RNF145: variants seen among roughly 807,000 people sequenced by gnomAD.
The protein encoded by RNF145 is ring finger protein 145.
RNF145 carries 12 observed loss-of-function variants against 57.3 expected under a neutral mutation model. The ratio of observed to expected loss-of-function variants is 0.21; its 90% confidence interval spans 0.13 to 0.34. The LOEUF is 0.34. Ranked by LOEUF, RNF145 falls within the 10% of genes least tolerant of loss-of-function variation. The pLI is 1.00. For missense variants in RNF145, 429 were observed against 799.0 expected, an observed-to-expected ratio of 0.54 and a Z score of 5.58; for synonymous variants, 262 against 288.3, an observed-to-expected ratio of 0.91 and a Z score of 0.92.
At chr5:159,207,189 C>T (rs1324726920) in intron 1 of RNF145, among the ~76,000 whole-genome samples, 4 of 152,080 alleles carry the variant, frequency 2.6e-5, no homozygotes, top group Admixed American at 1.3e-4. Flanking sequence ...CCTGAAAATA[C>T]GGGATTTTAG....
chr5:159,169,901 A>C (rs1330609528), intron 6 of RNF145, 82 bp from the exon 7 acceptor site: 1 of 1,143,014 alleles, frequency 8.7e-7, no homozygotes, highest in African/African-American at 1.6e-5. Context: ...ATAATCACCA[A>C]GCTTGATTTG....
chr5:159,200,981 G>C (rs954606193), intron 2 of RNF145, among the ~76,000 whole-genome samples: 9 of 152,156 alleles, frequency 5.9e-5, no homozygotes, highest in African/African-American at 2.2e-4. Context: ...GATAATATAG[G>C]ATTGTAGGAA....
At position 159,203,492 on chromosome 5, in the gene RNF145, G is replaced by A. The variant is rs114445960; in HGVS notation, c.126C>T (p.Ser42=). ...ACTGGAAAAGAGGGTTATTACTAAG[G>A]CTACTTCTTTGGATCTGCTGGAAAA... is the stretch of plus-strand genomic sequence containing the variant. ...SSFFQQIQRS[S]LSNNPLFQYK... is the part of the protein sequence containing the mutation. The change falls in exon 2 of 11, where the codon AGC becomes AGT. Residue 42 remains serine, a synonymous_variant. Transcript: ENST00000424310. 79 of 1,614,048 alleles carry A rather than the reference G, an allele frequency of 4.9e-5. No individual in the cohort carries two copies. The African/African-American group carries it at 7.3e-4, about 15-fold the overall frequency.
intron 1 of RNF145, among the ~76,000 whole-genome samples, chr5:159,208,315 G>A (rs1785975202): frequency 6.6e-6 from 1 of 152,182 alleles, no homozygotes; most frequent in Non-Finnish European, 1.5e-5. Context: ...TCTCGCCAAG[G>A]GTGCTGACTC....
chr5:159,179,958 G>C (rs1295498428), intron 4 of RNF145, among the ~76,000 whole-genome samples: 1 of 152,114 alleles, frequency 6.6e-6, no homozygotes, highest in Non-Finnish European at 1.5e-5. Flanking sequence ...TCTAGGGAAA[G>C]CATTAATTTT....
At chr5:159,199,007 A>G (rs1401405774) in intron 2 of RNF145, among the ~76,000 whole-genome samples, 2 of 152,174 alleles carry the variant, frequency 1.3e-5, no homozygotes, top group Non-Finnish European at 2.9e-5. Context: ...AAATTCATTC[A>G]TTATTGGGCA....
intron 4 of RNF145, among the ~76,000 whole-genome samples, chr5:159,179,831 A>T (rs959167885): frequency 3.3e-5 from 5 of 152,142 alleles, no homozygotes; most frequent in African/African-American, 7.2e-5. Context: ...ATAAAATCCA[A>T]GGCAAGTCCC....
chr5:159,174,427 G>A (rs1784649384), intron 5 of RNF145, among the ~76,000 whole-genome samples: 1 of 152,008 alleles, frequency 6.6e-6, no homozygotes, highest in African/African-American at 2.4e-5. Context: ...GTCAAAATAA[G>A]GTCATATTCA....
At chr5:159,205,706 GTAAC>G (rs1479413888) in intron 1 of RNF145, among the ~76,000 whole-genome samples, 1 of 152,104 alleles carries the variant, frequency 6.6e-6, no homozygotes, top group Non-Finnish European at 1.5e-5. Context: ...CCATCGAAAA[GTAAC>G]TATTTTTCTA....
At chr5:159,178,118 T>C (rs1784774964) in intron 4 of RNF145, among the ~76,000 whole-genome samples, 1 of 151,952 alleles carries the variant, frequency 6.6e-6, no homozygotes. Context: ...TTTAGTGCCA[T>C]GGCTTATTAC....
chr5:159,199,620 C>G (rs1029882397), intron 2 of RNF145, among the ~76,000 whole-genome samples: 1 of 152,162 alleles, frequency 6.6e-6, no homozygotes, highest in Non-Finnish European at 1.5e-5. Context: ...AACTGGTCTT[C>G]TTACCTCCAG....
In RNF145 at chr5:159,164,642, TATAAAA is replaced by T. The variant is rs570225041; in HGVS notation, c.1122-1569_1122-1564del. Among the ~76,000 whole-genome samples, 506 of 152,208 alleles carry T rather than the reference TATAAAA, an allele frequency of 3.3e-3. 3 individuals are homozygous for T. The highest frequency in any genetic ancestry group is 0.012 in the African/African-American group (481 of 41,548). On this transcript the variant is annotated intron_variant, in intron 8 of 10. Coordinates refer to ENST00000424310, the MANE Select transcript of RNF145 (RefSeq NM_001199383.2). ...AAATAAAAGCAAATTTCAAATAAAA[TATAAAA>T]ATAAGGGAAAATTACATTGAAACCT...
rs977957669 is a variant in RNF145 at position 159,157,968 on chromosome 5, A to T, written c.*702T>A. On this transcript the variant is annotated 3_prime_UTR_variant, in exon 11 of 11. Transcript: ENST00000424310. ...ATACAACATATTTAACAAAAGTTTC[A>T]TATACATCAAAATACTGAAGACTCC... The T allele has an allele frequency of 6.5e-6, 1 of 152,812 alleles. No homozygotes were observed. Among genetic ancestry groups the T allele is most frequent in the African/African-American group, 2.4e-5 (1 of 41,458 alleles). The allele number at this position is 152,812 out of a possible 1,614,324, so 9.5% of individuals were successfully genotyped here.
chr5:159,202,732 T>C (rs937104587), intron 2 of RNF145, among the ~76,000 whole-genome samples: 4 of 152,200 alleles, frequency 2.6e-5, no homozygotes, highest in Non-Finnish European at 5.9e-5. Flanking sequence ...ATAAAATATA[T>C]TGCTATATAC....
intron 10 of RNF145, 49 bp downstream of exon 10, chr5:159,161,217 G>C (rs375369119): frequency 9.9e-6 from 12 of 1,208,128 alleles, no homozygotes; most frequent in Non-Finnish European, 1.4e-5. Context: ...ACAGTCCCAA[G>C]GGATACACTG....
At position 159,163,196 on chromosome 5, in the gene RNF145, C is replaced by T. The variant is rs1784286304; in HGVS notation, c.1122-117G>A. 1.8e-5 allele frequency: 17 copies of T among 933,740 alleles called. No individual in the cohort carries two copies. In the South Asian group the frequency reaches 2.6e-4, roughly 14 times the overall value. The allele number at this position is 933,740 out of a possible 1,614,324, so 57.8% of individuals were successfully genotyped here. On this transcript the variant is annotated intron_variant, in intron 8 of 10. Transcript: ENST00000424310. ...AAATTTCACAAATTCCCACTGAACA[C>T]CCTTCTCCATGCCAGTCACTGTACT...
chr5:159,197,289 C>T (rs1785492031), intron 2 of RNF145, among the ~76,000 whole-genome samples: 2 of 152,142 alleles, frequency 1.3e-5, no homozygotes, highest in Non-Finnish European at 2.9e-5. Context: ...AAATTCTGTA[C>T]GTTAGACTAG....
chr5:159,198,651 A>T (rs532870638), intron 2 of RNF145, among the ~76,000 whole-genome samples: 1 of 152,318 alleles, frequency 6.6e-6, no homozygotes, highest in East Asian at 1.9e-4. Flanking sequence ...GAAAAAGGTG[A>T]TGAGTTCAGT....
At chr5:159,182,094 C>A in intron 3 of RNF145, 43 bp from the exon 4 acceptor site, 2 of 1,192,122 alleles carry the variant, frequency 1.7e-6, no homozygotes, top group South Asian at 1.3e-5. Flanking sequence ...TAGATACATT[C>A]CTAGCGGAAT....
Sources: gnomAD v4.1 joint callset for allele counts (sites outside exome capture counted in the v4.1 genomes callset) on GRCh38, gnomAD v4.1.1 for gene constraint, MANE v1.5 for transcripts, NCBI Gene and HGNC (gene_info 2026-07-23, HGNC 2026-07-21) for gene names.